The following MAP7D2 variants were observed in gnomAD, a reference collection of about 807,000 sequenced individuals.
MAP7D2 encodes MAP7 domain containing 2.
In MAP7D2, 33 loss-of-function variants were observed where a neutral mutation model predicts 63.5. The ratio of observed to expected loss-of-function variants is 0.52; its 90% CI spans 0.39 to 0.70. The LOEUF (loss-of-function observed/expected upper bound fraction) is 0.70, where lower values mean the gene tolerates loss of function less well. MAP7D2 is among the 30% of genes least tolerant of loss of function. The pLI is 0.00. For missense variants in MAP7D2, 626 were observed against 604.0 expected (o/e 1.04, Z -0.38); for synonymous variants, 224 against 223.7 (o/e 1.00, Z -0.01).
Position 20,036,866 on chromosome X carries a change from T to G in MAP7D2, c.1007+5636A>C, listed in dbSNP as rs762403740. 5.8e-4 allele frequency among the ~76,000 whole-genome samples: 50 copies of G among 86,724 alleles called. No homozygotes were observed. In the East Asian group the frequency reaches 0.017, roughly 29 times the overall value. 75.3% of individuals were successfully genotyped at this position (86,724 alleles called of 115,157 possible). ...TTGCAGTGAGCTGAGATCGCACCAC[T>G]GCACTCCAGCCTGGGTGACAGTGTG... On this transcript the variant is annotated intron_variant, in intron 8 of 16. Coordinates refer to ENST00000379643, the MANE Select transcript of MAP7D2 (RefSeq NM_001168465.2).
At position 20,094,542 on chromosome X, in the gene MAP7D2, GTATA is replaced by G. The variant is rs1364751270; in HGVS notation, c.130+22204_130+22207del. Among the ~76,000 whole-genome samples the G allele has an allele frequency of 2.1e-3, 13 of 6,094 alleles. 2 individuals carry two copies. Among genetic ancestry groups the G allele is most frequent in the East Asian group, 9.9e-3 (1 of 101 alleles). 5.3% of individuals were successfully genotyped at this position (6,094 alleles called of 115,157 possible). ...TATATATATATATATATATATATAT[GTATA>G]TATATATATATATATATATATACAT... On this transcript the variant is annotated intron_variant, in intron 1 of 16. Transcript: ENST00000379643.
chrX:20,097,819 C>A (rs374258722), intron 1 of MAP7D2, among the ~76,000 whole-genome samples: 1 of 111,357 alleles, frequency 9.0e-6, no homozygotes, highest in East Asian at 2.8e-4. Context: ...AAATCACTTG[C>A]CTTTGGGACT....
intron 10 of MAP7D2, 65 bp from the exon 11 acceptor site, chrX:20,016,390 G>C (rs1029964973): frequency 6.4e-5 from 62 of 974,038 alleles, no homozygotes; most frequent in Non-Finnish European, 1.9e-5. Context: ...AGAGAACTGT[G>C]TGCTGACAGC....
rs778444599 is a variant in MAP7D2 at position 20,010,899 on chromosome X, T to A, written c.2226A>T (p.Arg742Ser). ...CGTCCAGGCTGAGATTTTCACTGGA[T>A]CTCTTGGGGAATGTCGGGGGACCAG... is the stretch of plus-strand genomic sequence containing the variant. ...DFTGPPTFPK[R>S]SSENLSLDDC... The change falls in exon 16 of 17, where the codon AGA (arginine) becomes AGT (serine). Residue 742 changes from arginine to serine, a missense_variant. Coordinates refer to ENST00000379643, the MANE Select transcript of MAP7D2 (RefSeq NM_001168465.2). 3 of 1,209,485 alleles carry A rather than the reference T, an allele frequency of 2.5e-6. No homozygotes were observed. Among genetic ancestry groups the A allele is most frequent in the African/African-American group, 1.8e-5 (1 of 57,077 alleles).
At chrX:20,114,084 A>C (rs917136585) in intron 1 of MAP7D2, among the ~76,000 whole-genome samples, 14 of 111,978 alleles carry the variant, frequency 1.3e-4, no homozygotes, top group Admixed American at 1.9e-4. Flanking sequence ...CCCAGGCTGG[A>C]GTACAGTGGC....
chrX:20,010,941 T>C lies in MAP7D2; in HGVS notation c.2184A>G (p.Gln728=). The C allele has an allele frequency of 8.3e-7, 1 of 1,211,343 alleles. No homozygotes were observed. The highest frequency in any genetic ancestry group is 1.1e-6 in the Non-Finnish European group (1 of 895,437). ...GGGGACCAGTGAAATCTAAGAGATC[T>C]TGAAGTGCTCGGGCATTACCAGTTC... ...QNGTGNARAL[Q]DLLDFTGPPT... The change falls in exon 16 of 17, where the codon CAA becomes CAG. Residue 728 remains glutamine, a synonymous_variant. Coordinates refer to ENST00000379643, the MANE Select transcript of MAP7D2 (RefSeq NM_001168465.2).
chrX:20,060,311 T>G (rs1220153673), intron 3 of MAP7D2, among the ~76,000 whole-genome samples: 1 of 109,795 alleles, frequency 9.1e-6, no homozygotes, highest in Admixed American at 9.8e-5. Context: ...TAAGCCACCA[T>G]GCCCGGCCCA....
At position 20,034,106 on chromosome X, in the gene MAP7D2, T is replaced by A. The variant is rs759200041; in HGVS notation, c.1008-8154A>T. 3.4e-4 allele frequency among the ~76,000 whole-genome samples: 36 copies of A among 105,872 alleles called. No homozygotes were observed. In the East Asian group the frequency reaches 0.011, roughly 32 times the overall value. The allele number at this position is 105,872 out of a possible 115,157, so 91.9% of individuals were successfully genotyped here. Reference sequence around the variant, plus strand: ...CAGACGTGGTGGTGCATGCCTGTAATCCCAGCTATTTGGGAGGCTGAGGCA... The same window carrying A: ...CAGACGTGGTGGTGCATGCCTGTAAACCCAGCTATTTGGGAGGCTGAGGCA... On this transcript the variant is annotated intron_variant, in intron 8 of 16. Coordinates refer to ENST00000379643, the MANE Select transcript of MAP7D2 (RefSeq NM_001168465.2).
chrX:20,114,016 C>T (rs994548342), intron 1 of MAP7D2, among the ~76,000 whole-genome samples: 17 of 111,779 alleles, frequency 1.5e-4, no homozygotes, highest in African/African-American at 5.5e-4. Flanking sequence ...CACCTACTCT[C>T]TATCTCCAGG....
Position 20,012,537 on chromosome X carries a change from T to C in MAP7D2, c.1886-2A>G. The C allele has an allele frequency of 8.6e-7, 1 of 1,168,313 alleles. No individual in the cohort carries two copies. The highest frequency in any genetic ancestry group is 1.1e-6 in the Non-Finnish European group (1 of 872,156). On this transcript the variant is annotated splice_acceptor_variant, in intron 14 of 16. Coordinates refer to ENST00000379643, the MANE Select transcript of MAP7D2 (RefSeq NM_001168465.2). LOFTEE classifies it high-confidence loss of function. ...GGCAGGTGTTCAATCCATTGATTTC[T>C]GATCGAGAACACAAAGTCCCTTGTG... is the stretch of plus-strand genomic sequence containing the variant.
At chrX:20,109,609 T>C (rs1010993112) in intron 1 of MAP7D2, among the ~76,000 whole-genome samples, 4 of 110,950 alleles carry the variant, frequency 3.6e-5, no homozygotes, top group African/African-American at 6.6e-5. Context: ...CTGTGTGCCC[T>C]TGGGCAAATA....
At chrX:20,098,715 C>G (rs1203417863) in intron 1 of MAP7D2, among the ~76,000 whole-genome samples, 2 of 112,213 alleles carry the variant, frequency 1.8e-5, no homozygotes, top group African/African-American at 6.5e-5. Flanking sequence ...TTACAGAGGA[C>G]AGCTCACCCC....
intron 1 of MAP7D2, among the ~76,000 whole-genome samples, chrX:20,083,023 C>G (rs1188433497): frequency 8.9e-6 from 1 of 112,010 alleles, no homozygotes; most frequent in Non-Finnish European, 1.9e-5. Flanking sequence ...TAAACAGCCT[C>G]GCAGTTATCT....
At chrX:20,087,294 G>A (rs2065933351) in intron 1 of MAP7D2, among the ~76,000 whole-genome samples, 1 of 112,165 alleles carries the variant, frequency 8.9e-6, no homozygotes, top group South Asian at 3.7e-4. Context: ...TTGGTGCTAT[G>A]CTCGTGGTAA....
At chrX:20,041,213 A>G (rs1363669847) in intron 8 of MAP7D2, among the ~76,000 whole-genome samples, 1 of 111,552 alleles carries the variant, frequency 9.0e-6, no homozygotes, top group African/African-American at 3.3e-5. Context: ...GTGGAAGCTG[A>G]AAAAGGCTCA....
chrX:20,040,082 T>C lies in MAP7D2; in HGVS notation c.1007+2420A>G, dbSNP rs189972201. On this transcript the variant is annotated intron_variant, in intron 8 of 16. Transcript: ENST00000379643. ...TTAGTCTTCTGGCCTACTTCTCCCA[T>C]GCTGGGTGCTTCCTGCCCTCAAACA... is the stretch of plus-strand genomic sequence containing the variant. 4.2e-3 allele frequency among the ~76,000 whole-genome samples: 458 copies of C among 108,608 alleles called. 4 individuals carry two copies. Among genetic ancestry groups the C allele is most frequent in the African/African-American group, 0.015 (441 of 29,741 alleles). 94.3% of individuals were successfully genotyped at this position (108,608 alleles called of 115,157 possible). A position where few individuals can be genotyped will look rare whatever the true frequency, so the allele number is the denominator to read the frequency against.
chrX:20,011,068 G>A lies in MAP7D2; in HGVS notation c.2073-16C>T, dbSNP rs757884727. 9 of 1,195,394 alleles carry A rather than the reference G, an allele frequency of 7.5e-6. No homozygotes were observed. In the East Asian group the frequency reaches 1.2e-4, roughly 16 times the overall value. The stretch of plus-strand genomic sequence containing the variant: ...TGAAACAGGACTAGAAGAGATGAAC[G>A]AGAGGGAGAGAGGCAGAAAGAGACA... On this transcript the variant is annotated splice_polypyrimidine_tract_variant and intron_variant, in intron 15 of 16. Coordinates refer to ENST00000379643, the MANE Select transcript of MAP7D2 (RefSeq NM_001168465.2).
At chrX:20,106,666 A>G (rs1226162764) in intron 1 of MAP7D2, among the ~76,000 whole-genome samples, 2 of 112,633 alleles carry the variant, frequency 1.8e-5, no homozygotes, top group East Asian at 2.8e-4. Flanking sequence ...GAGACACACT[A>G]GAAGTGTAAA....
At chrX:20,093,176 G>C (rs1400580748) in intron 1 of MAP7D2, among the ~76,000 whole-genome samples, 3 of 111,822 alleles carry the variant, frequency 2.7e-5, no homozygotes. Flanking sequence ...GTCCATCCCT[G>C]GTTTGTTGGA....
Sources: gnomAD v4.1 joint callset for allele counts (sites outside exome capture counted in the v4.1 genomes callset) on GRCh38, gnomAD v4.1.1 for gene constraint, MANE v1.5 for transcripts, NCBI Gene and HGNC (gene_info 2026-07-23, HGNC 2026-07-21) for gene names.